Variants in PCDHGA11 observed in about 807,000 individuals in gnomAD.
The protein encoded by PCDHGA11 is protocadherin gamma-A11.
PCDHGA11 carries 39 observed loss-of-function variants against 60.4 expected under a neutral mutation model. That is an observed-to-expected ratio of 0.65 (90% CI 0.50 to 0.84). The LOEUF (loss-of-function observed/expected upper bound fraction) is 0.84, where lower values mean the gene tolerates loss of function less well. Ranked by LOEUF, PCDHGA11 falls within the 40% of genes least tolerant of loss-of-function variation. The pLI is 0.00. For synonymous variants in PCDHGA11, 533 were observed against 510.3 expected (o/e 1.04, Z -0.60); for missense variants, 1,165 against 1,197.7 (o/e 0.97, Z 0.40).
At position 141,485,576 on chromosome 5, in the gene PCDHGA11, C is replaced by A; in HGVS notation, c.2434-9231C>A. 1 of 1,612,412 alleles carries A rather than the reference C, an allele frequency of 6.2e-7. No individual in the cohort carries two copies. The highest frequency in any genetic ancestry group is 8.5e-7 in the Non-Finnish European group (1 of 1,178,628). On this transcript the variant is annotated intron_variant, in intron 1 of 3. Transcript: ENST00000398587. The surrounding 1 kb of genome is among the most constrained non-coding windows in gnomAD (Gnocchi z 5.7). ...GAATGATCACGCCCCCCGTTTTCCGCGGCAGCAGCTGGACTTGGAAATTGG... is the reference window on the plus strand; with the variant it reads ...GAATGATCACGCCCCCCGTTTTCCGAGGCAGCAGCTGGACTTGGAAATTGG...
At position 141,422,923 on chromosome 5, in the gene PCDHGA11, C is replaced by T. The variant is rs188787674; in HGVS notation, c.1696C>T (p.Pro566Ser). The T allele has an allele frequency of 1.6e-5, 26 of 1,614,252 alleles. No homozygotes were observed. In the East Asian group the frequency reaches 2.5e-4, roughly 15 times the overall value. Residue 566 changes from proline to serine, a missense_variant, in exon 1 of 4, where the codon CCT becomes TCT. Coordinates refer to ENST00000398587, the MANE Select transcript of PCDHGA11 (RefSeq NM_018914.3). ...QNDNAPEILY[P>S]ALPTDGSTGV... ...CGACAATGCGCCCGAGATCCTGTAC[C>T]CTGCCCTCCCCACAGACGGCTCCAC...
At chr5:141,498,419 G>A (rs78940285) in intron 2 of PCDHGA11, among the ~76,000 whole-genome samples, 4,023 of 152,260 alleles carry the variant, frequency 0.026, 75 homozygotes, top group Non-Finnish European at 0.043. Flanking sequence ...TGCTGGCACT[G>A]GAGTGAGGGG....
chr5:141,431,440 C>T lies in PCDHGA11; in HGVS notation c.2433+7780C>T. ...ACCCGGTGCGCACAGGCACCGCGCG[C>T]ATCCGCGTGATGGTTCTGGATGCGA... is the stretch of plus-strand genomic sequence containing the variant. On this transcript the variant is annotated intron_variant, in intron 1 of 3. Transcript: ENST00000398587. The surrounding 1 kb of genome is among the most constrained non-coding windows in gnomAD (Gnocchi z 4.8). 6.2e-7 allele frequency: 1 copy of T among 1,613,754 alleles called. No homozygotes were observed.
rs74792071 is a variant in PCDHGA11 at position 141,437,248 on chromosome 5, T to C, written c.2433+13588T>C. 4.6e-3 allele frequency among the ~76,000 whole-genome samples: 704 copies of C among 152,360 alleles called. 4 individuals carry two copies. The highest frequency in any genetic ancestry group is 0.015 in the African/African-American group (641 of 41,594). On this transcript the variant is annotated intron_variant, in intron 1 of 3. Transcript: ENST00000398587. ...CATAAAATTATGTCAAGGACTTTCC[T>C]TGTCTTTTTATGTGTATGACAGATG... is the stretch of plus-strand genomic sequence containing the variant.
At position 141,490,406 on chromosome 5, in the gene PCDHGA11, T is replaced by G; in HGVS notation, c.2434-4401T>G. On this transcript the variant is annotated intron_variant, in intron 1 of 3. Transcript: ENST00000398587. This position sits in a 1 kb window ranked among gnomAD's most constrained non-coding sequence, Gnocchi z 5.4. ...AGAAATGGTGAAGTGAGCCTTGATA[T>G]CTCTCCGGACCTGCCATTTCAGATT... is the stretch of plus-strand genomic sequence containing the variant. The G allele has an allele frequency of 1.9e-6, 3 of 1,614,112 alleles. No individual in the cohort carries two copies. Among genetic ancestry groups the G allele is most frequent in the Non-Finnish European group, 2.5e-6 (3 of 1,180,020 alleles).
At chr5:141,468,597 T>C in intron 1 of PCDHGA11, 1 of 152,224 alleles carries the variant, frequency 6.6e-6, no homozygotes, top group East Asian at 1.9e-4. Context: ...CTGGGCGCGG[T>C]GGCTCACGCC....
In PCDHGA11 at chr5:141,477,041, C is replaced by A; in HGVS notation, c.2434-17766C>A. 3 of 1,614,242 alleles carry A rather than the reference C, an allele frequency of 1.9e-6. No individual in the cohort carries two copies. Among genetic ancestry groups the A allele is most frequent in the Admixed American group, 1.7e-5 (1 of 60,036 alleles). Reference sequence around the variant, plus strand: ...AACCGGGATGCTGACAATCAAGGGTCGGCTGGACTTCGAGGACACCAAACT... The same window carrying A: ...AACCGGGATGCTGACAATCAAGGGTAGGCTGGACTTCGAGGACACCAAACT... On this transcript the variant is annotated intron_variant, in intron 1 of 3. Transcript: ENST00000398587. The surrounding 1 kb of genome is among the most constrained non-coding windows in gnomAD (Gnocchi z 4.9).
intron 3 of PCDHGA11, among the ~76,000 whole-genome samples, chr5:141,506,138 G>T (rs983643755): frequency 6.6e-6 from 1 of 152,134 alleles, no homozygotes; most frequent in African/African-American, 2.4e-5. Flanking sequence ...AGGAGAAGAA[G>T]AATATCATTT....
chr5:141,475,903 G>C, intron 1 of PCDHGA11: 5 of 576,064 alleles, frequency 8.7e-6, no homozygotes, highest in Non-Finnish European at 1.5e-5. Context: ...TGCCGCTGTC[G>C]GCCAATGAAG....
chr5:141,423,297 C>G lies in PCDHGA11; in HGVS notation c.2070C>G (p.Leu690=), dbSNP rs1322889810. 3 of 1,614,170 alleles carry G rather than the reference C, an allele frequency of 1.9e-6. 1 individual carries two copies. The South Asian group carries it at 3.3e-5, about 18-fold the overall frequency. ...ESLANSETSD[L]SLYLVVAVAA... The stretch of plus-strand genomic sequence containing the variant: ...TGGCTAACTCTGAAACCTCAGACCT[C>G]TCGCTGTACTTGGTGGTGGCGGTGG... Residue 690 remains leucine (L), a synonymous_variant, in exon 1 of 4, where the codon CTC becomes CTG. Transcript: ENST00000398587.
At position 141,485,286 on chromosome 5, in the gene PCDHGA11, A is replaced by G; in HGVS notation, c.2434-9521A>G. The G allele has an allele frequency of 2.5e-6, 4 of 1,614,044 alleles. No individual in the cohort carries two copies. On this transcript the variant is annotated intron_variant, in intron 1 of 3. Transcript: ENST00000398587. This position sits in a 1 kb window ranked among gnomAD's most constrained non-coding sequence, Gnocchi z 5.7. ...CAGATCCGCTACCCGGTCCCAGAGG[A>G]GTCACAGGAAGGGACTTTTGTAGGG...
chr5:141,456,748 A>C (rs1448893002), intron 1 of PCDHGA11, among the ~76,000 whole-genome samples: 1 of 151,852 alleles, frequency 6.6e-6, no homozygotes, highest in Non-Finnish European at 1.5e-5. Context: ...GAGCATCATG[A>C]GGTCAGGAGT....
At position 141,489,783 on chromosome 5, in the gene PCDHGA11, T is replaced by C; in HGVS notation, c.2434-5024T>C. The C allele has an allele frequency of 6.2e-7, 1 of 1,614,164 alleles. No individual in the cohort carries two copies. On this transcript the variant is annotated intron_variant, in intron 1 of 3. Transcript: ENST00000398587. The surrounding 1 kb of genome is among the most constrained non-coding windows in gnomAD (Gnocchi z 4.5). ...GCCCCAACAGCCACTTCTCTCTGAA[T>C]GTGAAGACCCTAAAAGATGGGAAGC... is the stretch of plus-strand genomic sequence containing the variant.
At chr5:141,481,943 G>C (rs1454871018) in intron 1 of PCDHGA11, among the ~76,000 whole-genome samples, 1 of 148,544 alleles carries the variant, frequency 6.7e-6, no homozygotes, top group South Asian at 2.1e-4. Context: ...AAATCAGCCA[G>C]ATGTGGTGGC....
chr5:141,491,291 C>A lies in PCDHGA11; in HGVS notation c.2434-3516C>A. The A allele has an allele frequency of 8.1e-6, 13 of 1,614,152 alleles. No individual in the cohort carries two copies. Among genetic ancestry groups the A allele is most frequent in the Non-Finnish European group, 1.1e-5 (13 of 1,179,974 alleles). On this transcript the variant is annotated intron_variant, in intron 1 of 3. Transcript: ENST00000398587. This position sits in a 1 kb window ranked among gnomAD's most constrained non-coding sequence, Gnocchi z 6.9. The stretch of plus-strand genomic sequence containing the variant: ...AAATCCAGTGACTTCCTCATACACC[C>A]TCCTGAGCGTTCAGACCTTACCCTT...
chr5:141,459,862 C>T (rs931723906), intron 1 of PCDHGA11, among the ~76,000 whole-genome samples: 3 of 152,158 alleles, frequency 2.0e-5, no homozygotes, highest in East Asian at 1.9e-4. Context: ...TTGAAGCATT[C>T]GTTCATCTTT....
In PCDHGA11 at chr5:141,489,353, A is replaced by G. The variant is rs1423278514; in HGVS notation, c.2434-5454A>G. 3.7e-6 allele frequency: 6 copies of G among 1,612,316 alleles called. No homozygotes were observed. In the African/African-American group the frequency reaches 6.7e-5, roughly 18 times the overall value. ...CAGCTTCGTTACTCAGTGGTGGAGG[A>G]GTCTGAGCCGGGGACGCTGGTGGGG... On this transcript the variant is annotated intron_variant, in intron 1 of 3. Transcript: ENST00000398587. This position sits in a 1 kb window ranked among gnomAD's most constrained non-coding sequence, Gnocchi z 4.5.
intron 1 of PCDHGA11, among the ~76,000 whole-genome samples, chr5:141,470,483 G>T (rs1163257164): frequency 6.6e-6 from 1 of 152,112 alleles, no homozygotes; most frequent in African/African-American, 2.4e-5. Context: ...CTAACCCTCT[G>T]GGAATAATAT....
chr5:141,469,213 G>C (rs866405809), intron 1 of PCDHGA11, among the ~76,000 whole-genome samples: 4 of 150,912 alleles, frequency 2.7e-5, no homozygotes, highest in African/African-American at 9.7e-5. Flanking sequence ...TGAAGTTGAG[G>C]CTTCAGTGAG....
Sources: gnomAD v4.1 joint callset for allele counts (sites outside exome capture counted in the v4.1 genomes callset) on GRCh38, gnomAD v4.1.1 for gene constraint, Gnocchi (gnomAD v3.1) non-coding constraint, MANE v1.5 for transcripts, NCBI Gene and HGNC (gene_info 2026-07-23, HGNC 2026-07-21) for gene names.